The following ASPRV1 variants were observed in gnomAD, a reference collection of about 807,000 sequenced individuals.
The protein encoded by ASPRV1 is retroviral-like aspartic protease 1.
Under a neutral mutation model 11.0 loss-of-function variants are expected in ASPRV1, and 7 were observed. The ratio of observed to expected loss-of-function variants is 0.64; its 90% confidence interval spans 0.36 to 1.20. The LOEUF (loss-of-function observed/expected upper bound fraction) is 1.20. Among genes scored for constraint, ASPRV1 ranks in the 50% most tolerant of loss-of-function variants. The probability of loss-of-function intolerance (pLI) is 0.02; values close to 1 mark genes in which losing one functional copy is unlikely to be tolerated. For synonymous variants in ASPRV1, 136 were observed against 138.4 expected (o/e 0.98, Z 0.12); for missense variants, 299 against 320.0 (o/e 0.93, Z 0.50).
chr2:70,000,044 C>T, the ASPRV1 span, among the ~76,000 whole-genome samples: 1 of 152,216 alleles, frequency 6.6e-6, no homozygotes, highest in Admixed American at 6.5e-5. Flanking sequence ...CTGCTGGCCT[C>T]CCTGCTTCGA....
At chr2:70,059,276 G>A in the ASPRV1 span, among the ~76,000 whole-genome samples, 1 of 142,968 alleles carries the variant, frequency 7.0e-6, no homozygotes. Flanking sequence ...TTTTTTTTAT[G>A]GTAAATTGAA....
the ASPRV1 span, among the ~76,000 whole-genome samples, chr2:69,943,863 G>A: frequency 8.6e-3 from 1,314 of 152,284 alleles, 21 homozygotes; most frequent in African/African-American, 0.03. Context: ...GAGTCAAGAG[G>A]AGGAAAAAGT....
At chr2:69,979,923 T>C in the ASPRV1 span, among the ~76,000 whole-genome samples, 1 of 152,182 alleles carries the variant, frequency 6.6e-6, no homozygotes, top group Non-Finnish European at 1.5e-5. Flanking sequence ...GACTTCACGA[T>C]CATCTTCTAG....
At chr2:70,049,281 T>C in the ASPRV1 span, 1 of 147,314 alleles carries the variant, frequency 6.8e-6, no homozygotes, top group African/African-American at 2.5e-5. Flanking sequence ...GCACCAACCT[T>C]ATAAGAAGTT....
chr2:69,986,917 T>C, the ASPRV1 span, among the ~76,000 whole-genome samples: 1 of 152,134 alleles, frequency 6.6e-6, no homozygotes, highest in Non-Finnish European at 1.5e-5. Context: ...ACACAACACA[T>C]ACTATGCAAT....
the ASPRV1 span, among the ~76,000 whole-genome samples, chr2:70,009,827 T>C: frequency 6.6e-5 from 10 of 152,128 alleles, no homozygotes; most frequent in African/African-American, 1.9e-4. Context: ...CCAGAGACAG[T>C]TGCGTTCAAC....
At chr2:69,940,195 T>G in the ASPRV1 span, 1 of 151,364 alleles carries the variant, frequency 6.6e-6, no homozygotes, top group East Asian at 1.9e-4. Flanking sequence ...AATAACCAGC[T>G]AAAGATTTGC....
upstream of ASPRV1, chr2:69,962,373 AC>A: frequency 6.5e-6 from 1 of 152,812 alleles, no homozygotes. Flanking sequence ...CACCCTATCC[AC>A]CCCTCTCCAT....
the ASPRV1 span, chr2:70,077,338 G>T: frequency 5.9e-5 from 9 of 152,130 alleles, no homozygotes; most frequent in East Asian, 1.7e-3. Context: ...GAGTGGGGCT[G>T]CAGTCTTTTT....
chr2:70,086,742 A>T, the ASPRV1 span, among the ~76,000 whole-genome samples: 4 of 152,268 alleles, frequency 2.6e-5, no homozygotes, highest in Admixed American at 2.6e-4. Flanking sequence ...GCTTTAACCG[A>T]AAGAAACTTG....
chr2:70,037,070 T>G, the ASPRV1 span, among the ~76,000 whole-genome samples: 6 of 152,128 alleles, frequency 3.9e-5, no homozygotes, highest in African/African-American at 1.4e-4. Flanking sequence ...TAGAAGTAAT[T>G]TTTTTCTCTA....
the ASPRV1 span, among the ~76,000 whole-genome samples, chr2:70,061,080 A>T: frequency 6.6e-6 from 1 of 151,982 alleles, no homozygotes; most frequent in East Asian, 1.9e-4. Flanking sequence ...TCAAAAGGAG[A>T]TAATGCTTAC....
At chr2:70,074,133 CAAAAAAAA>C in the ASPRV1 span, among the ~76,000 whole-genome samples, 5 of 7,818 alleles carry the variant, frequency 6.4e-4, no homozygotes, top group South Asian at 6.3e-3. Flanking sequence ...AACTTCATCT[CAAAAAAAA>C]AAAAAAAAAA....
the ASPRV1 span, among the ~76,000 whole-genome samples, chr2:69,951,134 C>T: frequency 2.0e-5 from 3 of 151,552 alleles, no homozygotes; most frequent in Non-Finnish European, 1.5e-5. Context: ...ATAAAATATG[C>T]GAGTGTGTGG....
the ASPRV1 span, among the ~76,000 whole-genome samples, chr2:69,972,111 G>C: frequency 6.6e-6 from 1 of 151,934 alleles, no homozygotes; most frequent in Non-Finnish European, 1.5e-5. Context: ...ACCCAGGCTG[G>C]AGTGCAGTGG....
the ASPRV1 span, among the ~76,000 whole-genome samples, chr2:70,071,083 G>C: frequency 6.6e-6 from 1 of 152,146 alleles, no homozygotes; most frequent in Non-Finnish European, 1.5e-5. Flanking sequence ...AGCTCTGATG[G>C]CGTATGCAGC....
chr2:69,985,960 T>C, the ASPRV1 span, among the ~76,000 whole-genome samples: 1 of 152,110 alleles, frequency 6.6e-6, no homozygotes, highest in Non-Finnish European at 1.5e-5. Flanking sequence ...GCTCATCGAA[T>C]TTGGAGGGGA....
rs1678060534 is a variant in ASPRV1 at position 69,960,696 on chromosome 2, G to A, written c.741C>T (p.Asp247=). ...DEFDLELIEE[D]PSSEEGRQEL... is the part of the protein sequence containing the mutation. The stretch of plus-strand genomic sequence containing the variant: ...CCTGCCGCCCTTCTTCTGAGGAGGG[G>A]TCCTCCTCTATGAGCTCCAGGTCAA... Residue 247 remains aspartate (D), a synonymous_variant, in exon 1 of 1, where the codon GAC becomes GAT. Transcript: ENST00000320256. 6.2e-7 allele frequency: 1 copy of A among 1,613,822 alleles called. No homozygotes were observed. Among genetic ancestry groups the A allele is most frequent in the Non-Finnish European group, 8.5e-7 (1 of 1,180,008 alleles).
the ASPRV1 span, among the ~76,000 whole-genome samples, chr2:69,994,650 A>G: frequency 6.6e-6 from 1 of 152,136 alleles, no homozygotes; most frequent in African/African-American, 2.4e-5. Context: ...GTGACTTGCT[A>G]CTGGGTCATG....
Sources: gnomAD v4.1 joint callset for allele counts (sites outside exome capture counted in the v4.1 genomes callset) on GRCh38, gnomAD v4.1.1 for gene constraint, MANE v1.5 for transcripts, NCBI Gene and HGNC (gene_info 2026-07-23, HGNC 2026-07-21) for gene names.